CDKL4: variants seen among roughly 807,000 people sequenced by gnomAD.
CDKL4 encodes cyclin-dependent kinase-like 4.
In CDKL4, 44 loss-of-function variants were observed where a neutral mutation model predicts 42.0. The ratio of observed to expected loss-of-function variants is 1.05; its 90% CI spans 0.82 to 1.35. The LOEUF is 1.35. Among genes scored for constraint, CDKL4 ranks in the 40% most tolerant of loss-of-function variants. The probability of loss-of-function intolerance (pLI) is 0.00; values close to 1 mark genes in which losing one functional copy is unlikely to be tolerated. For missense variants in CDKL4, 393 were observed against 369.9 expected (o/e 1.06, Z -0.51); for synonymous variants, 120 against 121.6 (o/e 0.99, Z 0.09).
chr2:39,218,844 G>A (rs925740593), intron 3 of CDKL4, among the ~76,000 whole-genome samples: 1 of 152,174 alleles, frequency 6.6e-6, no homozygotes, highest in African/African-American at 2.4e-5. Flanking sequence ...GCAGATGGCA[G>A]ATTGTGGAAC....
intron 5 of CDKL4, among the ~76,000 whole-genome samples, chr2:39,197,354 A>G (rs758357085): frequency 5.3e-5 from 8 of 151,584 alleles, no homozygotes; most frequent in Non-Finnish European, 1.2e-4. Flanking sequence ...AAACCTAAGA[A>G]TAATTGGTGT....
intron 2 of CDKL4, among the ~76,000 whole-genome samples, chr2:39,227,644 G>A (rs764280305): frequency 6.6e-6 from 1 of 152,194 alleles, no homozygotes; most frequent in Non-Finnish European, 1.5e-5. Flanking sequence ...GAGCAGAAAG[G>A]CAAAGAGTGG....
chr2:39,179,377 C>T (rs1163552256), intron 8 of CDKL4, 56 bp from the exon 9 acceptor site: 45 of 1,378,154 alleles, frequency 3.3e-5, no homozygotes, highest in Admixed American at 4.9e-5. Flanking sequence ...ATTTTGTTAC[C>T]GTGCCCACAA....
chr2:39,221,388 G>C (rs1678363628), intron 3 of CDKL4, among the ~76,000 whole-genome samples: 1 of 152,066 alleles, frequency 6.6e-6, no homozygotes, highest in Admixed American at 6.6e-5. Flanking sequence ...AGTCCAAAAG[G>C]CTTGGTATGT....
chr2:39,198,946 A>C (rs1676682223), intron 5 of CDKL4, among the ~76,000 whole-genome samples: 1 of 152,030 alleles, frequency 6.6e-6, no homozygotes, highest in Non-Finnish European at 1.5e-5. Flanking sequence ...GAGGAAAAAA[A>C]CAAACGTAAA....
chr2:39,228,681 T>C (rs572459994), intron 2 of CDKL4, among the ~76,000 whole-genome samples: 5 of 152,166 alleles, frequency 3.3e-5, no homozygotes, highest in Non-Finnish European at 5.9e-5. Context: ...GGGATTCCAA[T>C]GCATATTAAC....
intron 5 of CDKL4, among the ~76,000 whole-genome samples, chr2:39,196,228 T>C (rs967470198): frequency 2.1e-4 from 32 of 152,158 alleles, no homozygotes; most frequent in African/African-American, 7.5e-4. Flanking sequence ...ACCAGTGTGC[T>C]TAACAAAAAT....
At chr2:39,242,942 A>G (rs1434745320) in intron 1 of CDKL4, among the ~76,000 whole-genome samples, 1 of 151,782 alleles carries the variant, frequency 6.6e-6, no homozygotes, top group Non-Finnish European at 1.5e-5. Flanking sequence ...TTCTAAAAAT[A>G]CAAAAAAAGT....
the CDKL4 span, among the ~76,000 whole-genome samples, chr2:39,170,539 C>T: frequency 2.0e-5 from 3 of 152,072 alleles, no homozygotes; most frequent in South Asian, 6.2e-4. Flanking sequence ...TCACTGCGAC[C>T]TCCACCTCCC....
At chr2:39,226,647 TAC>T in intron 2 of CDKL4, among the ~76,000 whole-genome samples, 1 of 151,894 alleles carries the variant, frequency 6.6e-6, no homozygotes, top group East Asian at 1.9e-4. Context: ...AGACCATCAC[TAC>T]AGCGATTAGA....
At chr2:39,193,356 AATT>A (rs79269841) in intron 5 of CDKL4, among the ~76,000 whole-genome samples, 4,296 of 147,964 alleles carry the variant, frequency 0.029, 111 homozygotes, top group African/African-American at 0.066. Context: ...TCATTTATAA[AATT>A]ATTATTATTA....
downstream of CDKL4, among the ~76,000 whole-genome samples, chr2:39,171,054 C>T (rs1483237823): frequency 2.6e-5 from 4 of 151,940 alleles, no homozygotes; most frequent in East Asian, 7.8e-4. Context: ...GCCTGGCCAA[C>T]AGGATGAAAC....
intron 6 of CDKL4, among the ~76,000 whole-genome samples, chr2:39,188,247 T>C (rs542291685): frequency 3.9e-4 from 59 of 152,144 alleles, no homozygotes; most frequent in Middle Eastern, 3.4e-3. Context: ...CTTTGTCACA[T>C]GTGGTCACCA....
chr2:39,244,601 T>C (rs1487450988), upstream of CDKL4, among the ~76,000 whole-genome samples: 2 of 151,874 alleles, frequency 1.3e-5, no homozygotes, highest in Non-Finnish European at 1.5e-5. Context: ...TCCCGACGAG[T>C]GCCACCCCCT....
At chr2:39,231,461 A>G (rs1395636998) in intron 1 of CDKL4, among the ~76,000 whole-genome samples, 2 of 152,228 alleles carry the variant, frequency 1.3e-5, no homozygotes, top group East Asian at 3.8e-4. Context: ...TACAATGGAG[A>G]AAAATGTTTA....
intron 5 of CDKL4, among the ~76,000 whole-genome samples, chr2:39,199,460 G>C (rs1374152524): frequency 1.3e-5 from 2 of 151,934 alleles, no homozygotes; most frequent in African/African-American, 2.4e-5. Flanking sequence ...AAAAGACAGA[G>C]AAAGGGAATC....
At chr2:39,217,365 T>C (rs1452782295) in intron 3 of CDKL4, among the ~76,000 whole-genome samples, 1 of 152,088 alleles carries the variant, frequency 6.6e-6, no homozygotes, top group Non-Finnish European at 1.5e-5. Flanking sequence ...GGTAACATGA[T>C]GGGGGAATTC....
At chr2:39,209,209 G>T (rs948578344) in intron 4 of CDKL4, among the ~76,000 whole-genome samples, 1 of 151,936 alleles carries the variant, frequency 6.6e-6, no homozygotes, top group Non-Finnish European at 1.5e-5. Context: ...TTCCTTGGGA[G>T]GCTAAGGTGG....
chr2:39,190,464 A>G (rs1558551640), exon 6 of CDKL4: 2 of 1,614,028 alleles, frequency 1.2e-6, no homozygotes, highest in Non-Finnish European at 1.7e-6. Flanking sequence ...GCTCGGTACC[A>G]TCTCGTAGCT....
Sources: allele counts gnomAD v4.1 joint callset (sites outside exome capture counted in the v4.1 genomes callset), GRCh38; gene constraint gnomAD v4.1.1; transcripts MANE v1.5; gene names NCBI Gene and HGNC (gene_info 2026-07-23, HGNC 2026-07-21).